Variants in SSH2 observed in about 807,000 individuals in gnomAD.
SSH2 encodes protein phosphatase Slingshot homolog 2.
A neutral mutation model predicts 135.2 loss-of-function variants in SSH2; 37 were observed. The observed-to-expected ratio is 0.27, with a 90% confidence interval of 0.21 to 0.36. The LOEUF is 0.36. Ranked by LOEUF, SSH2 falls within the 10% of genes least tolerant of loss-of-function variation. The probability of loss-of-function intolerance (pLI) is 1.00; values close to 1 mark genes in which losing one functional copy is unlikely to be tolerated. For missense variants in SSH2, 1,408 were observed against 1,765.3 expected (o/e 0.80, Z 3.63); for synonymous variants, 628 against 646.2 (o/e 0.97, Z 0.43).
chr17:29,761,544 C>T (rs867309532), intron 3 of SSH2: 2 of 559,950 alleles, frequency 3.6e-6, no homozygotes, highest in Non-Finnish European at 4.5e-6. Flanking sequence ...TCGGGACGCC[C>T]GCGCGGATCC....
intron 11 of SSH2, among the ~76,000 whole-genome samples, chr17:29,665,993 A>C (rs751955601): frequency 3.3e-5 from 5 of 152,210 alleles, no homozygotes; most frequent in Admixed American, 6.5e-5. Flanking sequence ...CTCTGCTCAG[A>C]TATATCAGAA....
At chr17:29,912,946 A>T (rs1430825495) in intron 1 of SSH2, among the ~76,000 whole-genome samples, 3 of 151,956 alleles carry the variant, frequency 2.0e-5, no homozygotes, top group Admixed American at 2.0e-4. Context: ...TTATAGCCAC[A>T]CTTAAATGTA....
intron 3 of SSH2, chr17:29,761,232 A>T: frequency 7.8e-7 from 1 of 1,289,684 alleles, no homozygotes; most frequent in Non-Finnish European, 1.0e-6. Context: ...CTGCAGGTGC[A>T]AGCGAGGGGC....
At chr17:29,721,178 A>C (rs1022374031) in intron 3 of SSH2, among the ~76,000 whole-genome samples, 2 of 152,248 alleles carry the variant, frequency 1.3e-5, no homozygotes, top group Admixed American at 6.5e-5. Context: ...CAATAATTCC[A>C]AACATTTTAG....
chr17:29,652,242 A>C (rs746088954), intron 12 of SSH2, among the ~76,000 whole-genome samples: 32 of 152,204 alleles, frequency 2.1e-4, no homozygotes, highest in Non-Finnish European at 1.9e-4. Flanking sequence ...TCCTTTCCAA[A>C]TAATAAATCC....
intron 2 of SSH2, among the ~76,000 whole-genome samples, chr17:29,826,333 C>T (rs62068618): frequency 0.045 from 6,913 of 151,988 alleles, 215 homozygotes; most frequent in Non-Finnish European, 0.07. Flanking sequence ...TTTTGTTTGC[C>T]GAAACAGTCA....
At chr17:29,743,535 A>C (rs1181112204) in intron 3 of SSH2, among the ~76,000 whole-genome samples, 1 of 152,214 alleles carries the variant, frequency 6.6e-6, no homozygotes, top group Non-Finnish European at 1.5e-5. Flanking sequence ...AGAAGAGAAA[A>C]TTCCAGTAGC....
At chr17:29,680,424 A>G (rs9890747) in intron 6 of SSH2, among the ~76,000 whole-genome samples, 84,522 of 150,998 alleles carry the variant, frequency 0.56, 24,069 homozygotes, top group East Asian at 0.68. Context: ...GCAGACAGAC[A>G]CCTGTAATCC....
chr17:29,702,573 T>C (rs1213494656), intron 4 of SSH2, among the ~76,000 whole-genome samples: 1 of 152,184 alleles, frequency 6.6e-6, no homozygotes, highest in African/African-American at 2.4e-5. Context: ...GAGGATCGCT[T>C]GAACCCAGGA....
intron 1 of SSH2, 43 bp downstream of exon 1, chr17:29,929,895 G>C: frequency 6.5e-7 from 1 of 1,532,568 alleles, no homozygotes; most frequent in Non-Finnish European, 8.8e-7. Flanking sequence ...AAGCGGAGCC[G>C]CAGTGACAGA....
chr17:29,667,561 A>G (rs1362816616), intron 9 of SSH2, among the ~76,000 whole-genome samples: 3 of 152,210 alleles, frequency 2.0e-5, no homozygotes, highest in Non-Finnish European at 4.4e-5. Context: ...GCTCCTTATG[A>G]GAAGCTAACT....
intron 1 of SSH2, among the ~76,000 whole-genome samples, chr17:29,865,122 C>G (rs527568550): frequency 6.6e-6 from 1 of 152,198 alleles, no homozygotes; most frequent in Admixed American, 6.5e-5. Context: ...TCTCTACAAC[C>G]AAATTGAAAT....
intron 2 of SSH2, among the ~76,000 whole-genome samples, chr17:29,823,866 G>A (rs2042698168): frequency 8.3e-6 from 1 of 119,840 alleles, no homozygotes. Flanking sequence ...ACAACAGAGT[G>A]AGACTCTGTC....
intron 1 of SSH2, among the ~76,000 whole-genome samples, chr17:29,873,836 G>GACTT (rs1437406479): frequency 6.6e-6 from 1 of 152,192 alleles, no homozygotes; most frequent in Non-Finnish European, 1.5e-5. Flanking sequence ...GTGACTGACT[G>GACTT]ACTTACTTAA....
At chr17:29,650,503 G>A in intron 13 of SSH2, 151 bp downstream of exon 13, 1 of 648,046 alleles carries the variant, frequency 1.5e-6, no homozygotes, top group Non-Finnish European at 2.4e-6. Context: ...CTAGTCTTTT[G>A]CCTAGGATTA....
At chr17:29,831,768 C>T (rs1256428941) in intron 2 of SSH2, among the ~76,000 whole-genome samples, 2 of 151,156 alleles carry the variant, frequency 1.3e-5, no homozygotes, top group Admixed American at 6.6e-5. Context: ...GTGGTAGAGA[C>T]GGGGTTTCGC....
chr17:29,718,732 CAAAAAA>C lies in SSH2; in HGVS notation c.189-15676_189-15671del, dbSNP rs752148237. Among the ~76,000 whole-genome samples the C allele has an allele frequency of 1.3e-4, 10 of 77,334 alleles. 1 individual carries two copies. The South Asian group carries it at 3.3e-3, about 26-fold the overall frequency. 50.7% of individuals were successfully genotyped at this position (77,334 alleles called of 152,430 possible). A position where few individuals can be genotyped will look rare whatever the true frequency, so the allele number is the denominator to read the frequency against. On this transcript the variant is annotated intron_variant, in intron 3 of 15. Coordinates refer to ENST00000540801, the MANE Select transcript of SSH2 (RefSeq NM_001282129.2). ...TGGGCGACAAAGCAAGATTTCACCT[CAAAAAA>C]AAAAAAAAAAAAAAAAAAAAGAGGC...
intron 11 of SSH2, among the ~76,000 whole-genome samples, chr17:29,663,683 G>A (rs965448153): frequency 6.6e-6 from 1 of 152,172 alleles, no homozygotes; most frequent in African/African-American, 2.4e-5. Flanking sequence ...TATACACAAT[G>A]CTGATGTGCA....
At chr17:29,800,836 G>A (rs2042238007) in intron 2 of SSH2, among the ~76,000 whole-genome samples, 2 of 150,176 alleles carry the variant, frequency 1.3e-5, no homozygotes, top group South Asian at 4.2e-4. Flanking sequence ...ATTTTAGGGT[G>A]TTCAGGAACC....
Sources: gnomAD v4.1 joint callset for allele counts (sites outside exome capture counted in the v4.1 genomes callset) on GRCh38, gnomAD v4.1.1 for gene constraint, MANE v1.5 for transcripts, NCBI Gene and HGNC (gene_info 2026-07-23, HGNC 2026-07-21) for gene names.